KLHL29: variants seen among roughly 807,000 people sequenced by gnomAD.
KLHL29 encodes the protein kelch like family member 29.
KLHL29 carries 21 observed loss-of-function variants against 80.4 expected under a neutral mutation model. The observed-to-expected ratio is 0.26, with a 90% CI of 0.19 to 0.38. KLHL29 has a LOEUF of 0.38. KLHL29 is among the 10% of genes least tolerant of loss of function. The pLI is 1.00. For missense variants in KLHL29, 867 were observed against 1,223.9 expected, an observed-to-expected ratio of 0.71 and a Z score of 4.35; for synonymous variants, 511 against 526.8, an observed-to-expected ratio of 0.97 and a Z score of 0.41.
intron 4 of KLHL29, among the ~76,000 whole-genome samples, chr2:23,640,230 C>A (rs1429348755): frequency 6.6e-6 from 1 of 152,224 alleles, no homozygotes; most frequent in East Asian, 1.9e-4. Flanking sequence ...GCTGACCCTA[C>A]CCCTCCCAAT....
At chr2:23,500,296 A>G (rs1354466441) in intron 2 of KLHL29, among the ~76,000 whole-genome samples, 6 of 152,356 alleles carry the variant, frequency 3.9e-5, no homozygotes, top group Non-Finnish European at 4.4e-5. Context: ...TGGAAGGAGT[A>G]CAGAGGGCTC....
intron 8 of KLHL29, among the ~76,000 whole-genome samples, chr2:23,694,184 T>A (rs906166006): frequency 6.6e-6 from 1 of 152,220 alleles, no homozygotes; most frequent in Non-Finnish European, 1.5e-5. Context: ...CAGAATGTCC[T>A]GCAGATCCGT....
intron 1 of KLHL29, among the ~76,000 whole-genome samples, chr2:23,451,944 C>A (rs527743491): frequency 6.6e-6 from 1 of 151,960 alleles, no homozygotes; most frequent in Non-Finnish European, 1.5e-5. Flanking sequence ...CTAATCAGGG[C>A]AGAAGGCGAA....
At chr2:23,536,918 A>ACACACACACACACACACTCTCTCT (rs143009876) in intron 2 of KLHL29, among the ~76,000 whole-genome samples, 1 of 140,650 alleles carries the variant, frequency 7.1e-6, no homozygotes, top group African/African-American at 2.7e-5. Context: ...ACACACACAC[A>ACACACACACACACACACTCTCTCT]CTCTCTCTCT....
chr2:23,454,212 G>A (rs1196755575), intron 1 of KLHL29, among the ~76,000 whole-genome samples: 2 of 152,148 alleles, frequency 1.3e-5, no homozygotes, highest in Admixed American at 6.5e-5. Flanking sequence ...CGAGGAGAAA[G>A]CTGGGCCCCT....
intron 5 of KLHL29, among the ~76,000 whole-genome samples, chr2:23,648,272 T>G (rs906357956): frequency 2.0e-5 from 3 of 152,160 alleles, no homozygotes; most frequent in African/African-American, 7.2e-5. Flanking sequence ...TAGAACCCAC[T>G]TCTTACAGTC....
intron 3 of KLHL29, among the ~76,000 whole-genome samples, chr2:23,566,330 C>T (rs1667588935): frequency 1.3e-5 from 2 of 152,340 alleles, no homozygotes; most frequent in South Asian, 4.1e-4. Flanking sequence ...CGTCCTCCAG[C>T]CCCTCATTCT....
intron 2 of KLHL29, among the ~76,000 whole-genome samples, chr2:23,497,976 T>C (rs908036710): frequency 6.6e-6 from 1 of 152,186 alleles, no homozygotes; most frequent in Non-Finnish European, 1.5e-5. Flanking sequence ...GATTTTTCTT[T>C]TTTAATTTAA....
Position 23,454,385 on chromosome 2 carries a change from G to A in KLHL29, c.-153-21175G>A, listed in dbSNP as rs555512331. 2.6e-5 allele frequency among the ~76,000 whole-genome samples: 4 copies of A among 152,242 alleles called. No homozygotes were observed. The South Asian group carries it at 8.3e-4, about 32-fold the overall frequency. ...GGATGAGCTTAGTTAAAGATTAAAC[G>A]AGTATGTTTATTCTTTATTTCACAG... On this transcript the variant is annotated intron_variant, in intron 1 of 13. Transcript: ENST00000486442.
At chr2:23,541,929 C>T (rs112922103) in intron 2 of KLHL29, among the ~76,000 whole-genome samples, 2 of 152,094 alleles carry the variant, frequency 1.3e-5, no homozygotes, top group African/African-American at 4.8e-5. Flanking sequence ...TGGCAATGGC[C>T]GTAGTGGTGC....
In KLHL29 at chr2:23,459,073, A is replaced by C. The variant is rs796372137; in HGVS notation, c.-153-16487A>C. 1.1e-4 allele frequency among the ~76,000 whole-genome samples: 17 copies of C among 152,310 alleles called. 1 individual carries two copies. The highest frequency in any genetic ancestry group is 4.1e-4 in the African/African-American group (17 of 41,584). ...GAGGTAAGAGGTATGTCGAGGGGTC[A>C]TAATGGGCTGGGTATGGAGGGAGAA... On this transcript the variant is annotated intron_variant, in intron 1 of 13. Coordinates refer to ENST00000486442, the MANE Select transcript of KLHL29 (RefSeq NM_052920.2).
At chr2:23,546,956 C>T (rs1666993933) in intron 2 of KLHL29, among the ~76,000 whole-genome samples, 1 of 152,208 alleles carries the variant, frequency 6.6e-6, no homozygotes, top group Admixed American at 6.5e-5. Context: ...GGGAGACAGA[C>T]TTGAGCCATC....
intron 1 of KLHL29, among the ~76,000 whole-genome samples, chr2:23,413,852 G>A (rs1216920793): frequency 6.6e-6 from 1 of 152,222 alleles, no homozygotes; most frequent in African/African-American, 2.4e-5. Context: ...CACGGGTGCG[G>A]TGGGAGGCCC....
At chr2:23,481,640 G>A (rs1029948074) in intron 2 of KLHL29, among the ~76,000 whole-genome samples, 3 of 152,136 alleles carry the variant, frequency 2.0e-5, no homozygotes, top group African/African-American at 7.2e-5. Context: ...TTTGGGCTGA[G>A]AGCGGTGGCT....
At position 23,557,259 on chromosome 2, in the gene KLHL29, G is replaced by A. The variant is rs116471376; in HGVS notation, c.-45-4893G>A. ...ATGGGACCTTGTGACACACTGGCTCGGTGCCCAGCAGAAAATATTTAAGTT... is the reference window on the plus strand; with the variant it reads ...ATGGGACCTTGTGACACACTGGCTCAGTGCCCAGCAGAAAATATTTAAGTT... On this transcript the variant is annotated intron_variant, in intron 2 of 13. Coordinates refer to ENST00000486442, the MANE Select transcript of KLHL29 (RefSeq NM_052920.2). Among the ~76,000 whole-genome samples, 730 of 152,284 alleles carry A rather than the reference G, an allele frequency of 4.8e-3. 11 individuals are homozygous for A. Among genetic ancestry groups the A allele is most frequent in the South Asian group, 0.048 (230 of 4,818 alleles).
chr2:23,387,650 A>T (rs1282502844), intron 1 of KLHL29, among the ~76,000 whole-genome samples: 1 of 152,158 alleles, frequency 6.6e-6, no homozygotes, highest in Non-Finnish European at 1.5e-5. Context: ...TCCAGTAAGC[A>T]CTAGTGAATA....
chr2:23,551,176 C>T (rs998945186), intron 2 of KLHL29, among the ~76,000 whole-genome samples: 4 of 152,218 alleles, frequency 2.6e-5, no homozygotes, highest in Non-Finnish European at 4.4e-5. Context: ...AATTTATACA[C>T]GCCTCCCTTC....
chr2:23,453,634 C>T (rs6544861), intron 1 of KLHL29, among the ~76,000 whole-genome samples: 2 of 152,146 alleles, frequency 1.3e-5, no homozygotes, highest in African/African-American at 2.4e-5. Flanking sequence ...GAGAAATGGA[C>T]GGCAGCGGCC....
chr2:23,431,923 G>T (rs1184297889), intron 1 of KLHL29, among the ~76,000 whole-genome samples: 1 of 124,604 alleles, frequency 8.0e-6, no homozygotes, highest in African/African-American at 3.0e-5. Context: ...AAAAAAAAAA[G>T]CAGTGAAAAC....
Sources: gnomAD v4.1 joint callset for allele counts (sites outside exome capture counted in the v4.1 genomes callset) on GRCh38, gnomAD v4.1.1 for gene constraint, MANE v1.5 for transcripts, NCBI Gene and HGNC (gene_info 2026-07-23, HGNC 2026-07-21) for gene names.